DMD: variants seen among roughly 807,000 people sequenced by gnomAD.
The protein encoded by DMD is mutant dystrophin.
DMD carries 63 observed loss-of-function variants against 330.1 expected under a neutral mutation model. The ratio of observed to expected loss-of-function variants is 0.19; its 90% CI spans 0.16 to 0.24. The LOEUF is 0.24. DMD is among the 10% of genes least tolerant of loss of function. The probability of loss-of-function intolerance (pLI) is 1.00; values close to 1 mark genes in which losing one functional copy is unlikely to be tolerated. For missense variants in DMD, 3,344 were observed against 2,684.1 expected (o/e 1.25, Z -5.43); for synonymous variants, 1,223 against 959.8 (o/e 1.27, Z -5.07).
chrX:33,304,290 A>T, intron 1 of DMD, among the ~76,000 whole-genome samples: 1 of 110,921 alleles, frequency 9.0e-6, no homozygotes, highest in Non-Finnish European at 1.9e-5. Flanking sequence ...ATCTTTGACA[A>T]ACCTGAGAAA....
chrX:31,968,538 A>T, intron 44 of DMD, 24 bp from the exon 45 acceptor site: 1 of 1,200,194 alleles, frequency 8.3e-7, no homozygotes, highest in Non-Finnish European at 1.1e-6. Context: ...AAAAGGCAAA[A>T]CAAAAATGAA....
intron 2 of DMD, among the ~76,000 whole-genome samples, chrX:32,882,580 G>A (rs2084064225): frequency 8.9e-6 from 1 of 111,801 alleles, no homozygotes; most frequent in Admixed American, 9.5e-5. Flanking sequence ...ATAAAATAAT[G>A]ACTAAATATA....
At chrX:32,473,120 C>G (rs1332720255) in intron 21 of DMD, among the ~76,000 whole-genome samples, 2 of 111,071 alleles carry the variant, frequency 1.8e-5, no homozygotes, top group African/African-American at 6.5e-5. Flanking sequence ...AGAGATTAGA[C>G]ACAAGATTGA....
chrX:31,632,065 C>T (rs1231370402), intron 54 of DMD, among the ~76,000 whole-genome samples: 1 of 111,453 alleles, frequency 9.0e-6, no homozygotes, highest in Non-Finnish European at 1.9e-5. Flanking sequence ...CTTTTTAAGA[C>T]CTGATTATCA....
intron 55 of DMD, among the ~76,000 whole-genome samples, chrX:31,616,785 AAG>A: frequency 9.0e-6 from 1 of 111,695 alleles, no homozygotes; most frequent in Admixed American, 9.5e-5. Context: ...AAAAAATAGT[AAG>A]AGTGTGAATG....
intron 2 of DMD, among the ~76,000 whole-genome samples, chrX:33,009,042 A>G (rs1340550555): frequency 1.0e-5 from 1 of 97,550 alleles, no homozygotes; most frequent in African/African-American, 3.7e-5. Context: ...GTGTGTATAT[A>G]TGTATATGTG....
intron 34 of DMD, among the ~76,000 whole-genome samples, chrX:32,377,459 GC>G (rs2097908111): frequency 9.0e-6 from 1 of 111,463 alleles, no homozygotes; most frequent in Admixed American, 9.6e-5. Flanking sequence ...AGGCTCAATA[GC>G]CAATTTCTCT....
intron 2 of DMD, among the ~76,000 whole-genome samples, chrX:32,905,607 G>A (rs752155623): frequency 1.8e-5 from 2 of 111,573 alleles, no homozygotes; most frequent in South Asian, 7.5e-4. Flanking sequence ...TTAATTGTTT[G>A]TTAGCCAGCT....
At chrX:32,879,021 A>AAAAAAAAAACAAAAAAAAAAC (rs1352069437) in intron 2 of DMD, among the ~76,000 whole-genome samples, 1 of 101,766 alleles carries the variant, frequency 9.8e-6, no homozygotes, top group African/African-American at 3.5e-5. Context: ...AAAAAAACAA[A>AAAAAAAAAACAAAAAAAAAAC]AAACAAAAAA....
intron 49 of DMD, among the ~76,000 whole-genome samples, chrX:31,822,189 C>T (rs2092776851): frequency 9.0e-6 from 1 of 111,662 alleles, no homozygotes; most frequent in Non-Finnish European, 1.9e-5. Flanking sequence ...CAGCTTAACT[C>T]AGCCTGGAGA....
intron 2 of DMD, among the ~76,000 whole-genome samples, chrX:32,918,245 AATTTT>A (rs1468822618): frequency 8.9e-6 from 1 of 111,905 alleles, no homozygotes; most frequent in Non-Finnish European, 1.9e-5. Context: ...TATATTAAAT[AATTTT>A]ATTATCTGAA....
At chrX:31,379,390 T>C (rs961087869) in intron 60 of DMD, among the ~76,000 whole-genome samples, 1 of 111,285 alleles carries the variant, frequency 9.0e-6, no homozygotes. Flanking sequence ...TCAGATAGCG[T>C]TTAGGCTCTT....
intron 1 of DMD, among the ~76,000 whole-genome samples, chrX:33,185,449 T>C (rs1024338639): frequency 9.0e-6 from 1 of 111,248 alleles, no homozygotes; most frequent in African/African-American, 3.3e-5. Context: ...GAAAATTAAA[T>C]GAGGCACAAA....
chrX:32,034,810 G>T (rs1324388224), intron 44 of DMD, among the ~76,000 whole-genome samples: 2 of 111,461 alleles, frequency 1.8e-5, no homozygotes, highest in African/African-American at 6.5e-5. Context: ...AGATATGTAC[G>T]CTATTTTCAC....
At chrX:32,319,016 A>G (rs139034433) in intron 41 of DMD, among the ~76,000 whole-genome samples, 8 of 111,820 alleles carry the variant, frequency 7.2e-5, no homozygotes, top group African/African-American at 2.6e-4. Context: ...AAGCTCAATT[A>G]CTATCAAATT....
rs933023739 is a variant in DMD, at chrX:32,687,374, C to T, written c.960+10496G>A. The stretch of plus-strand genomic sequence containing the variant: ...ATGTTTCATCTTACATGTTATTCTT[C>T]GGATGTAACACTGATACTTCTCCAT... On this transcript the variant is annotated intron_variant, in intron 9 of 78. Transcript: ENST00000357033. 5.4e-5 allele frequency among the ~76,000 whole-genome samples: 6 copies of T among 111,670 alleles called. No homozygotes were observed. The South Asian group carries it at 1.1e-3, about 21-fold the overall frequency.
At chrX:32,498,526 G>T (rs970100432) in intron 19 of DMD, among the ~76,000 whole-genome samples, 2 of 110,446 alleles carry the variant, frequency 1.8e-5, no homozygotes, top group Non-Finnish European at 3.8e-5. Flanking sequence ...TAAGGAAAAC[G>T]TCCATGTATA....
chrX:32,583,476 G>A (rs1415903877), intron 13 of DMD, among the ~76,000 whole-genome samples: 1 of 111,523 alleles, frequency 9.0e-6, no homozygotes, highest in African/African-American at 3.3e-5. Context: ...TCCAGCCTGG[G>A]TAGAAACAGC....
chrX:32,200,820 G>A (rs774202792), intron 44 of DMD, among the ~76,000 whole-genome samples: 43 of 111,759 alleles, frequency 3.8e-4, no homozygotes, highest in African/African-American at 1.4e-3. Flanking sequence ...CATTTTAAGA[G>A]CTCAGTATCT....
Sources: allele counts gnomAD v4.1 joint callset (sites outside exome capture counted in the v4.1 genomes callset), GRCh38; gene constraint gnomAD v4.1.1; transcripts MANE v1.5; gene names NCBI Gene and HGNC (gene_info 2026-07-23, HGNC 2026-07-21).